The following OPCML variants were observed in gnomAD, a reference collection of about 807,000 sequenced individuals.
The protein encoded by OPCML is opioid binding protein/cell adhesion molecule like.
OPCML carries 13 observed loss-of-function variants against 37.8 expected under a neutral mutation model. The ratio of observed to expected loss-of-function variants is 0.34; its 90% CI spans 0.22 to 0.55. The LOEUF (loss-of-function observed/expected upper bound fraction) is 0.55, where lower values mean the gene tolerates loss of function less well. OPCML is among the 20% of genes least tolerant of loss of function. The pLI, the probability that OPCML is intolerant of heterozygous loss-of-function variation, is 0.91. For missense variants in OPCML, 341 were observed against 435.6 expected, an observed-to-expected ratio of 0.78 and a Z score of 1.93; for synonymous variants, 176 against 168.8, an observed-to-expected ratio of 1.04 and a Z score of -0.33.
intron 3 of OPCML, among the ~76,000 whole-genome samples, chr11:132,566,231 A>G (rs1360910508): frequency 6.6e-6 from 1 of 152,214 alleles, no homozygotes; most frequent in Admixed American, 6.5e-5. Flanking sequence ...TTAATCTTTT[A>G]TGAAATCTTT....
intron 2 of OPCML, among the ~76,000 whole-genome samples, chr11:132,869,668 T>C (rs1055235369): frequency 6.6e-6 from 1 of 152,238 alleles, no homozygotes; most frequent in African/African-American, 2.4e-5. Flanking sequence ...TCATTAATGA[T>C]CTTATTATGT....
At chr11:133,021,954 C>G (rs951344538) in intron 1 of OPCML, among the ~76,000 whole-genome samples, 3 of 152,208 alleles carry the variant, frequency 2.0e-5, no homozygotes, top group Non-Finnish European at 2.9e-5. Context: ...GATCTGAATA[C>G]ACATGGATAG....
chr11:132,832,603 A>G (rs1040363313), intron 2 of OPCML, among the ~76,000 whole-genome samples: 1 of 152,254 alleles, frequency 6.6e-6, no homozygotes, highest in African/African-American at 2.4e-5. Context: ...CGTGAAAAAA[A>G]TGATTCATAC....
At chr11:133,377,260 G>T (rs76543347) in intron 1 of OPCML, among the ~76,000 whole-genome samples, 2,140 of 152,226 alleles carry the variant, frequency 0.014, 31 homozygotes, top group Non-Finnish European at 0.017. Flanking sequence ...GCGTGGGAGG[G>T]TGTGTGTGGA....
intron 1 of OPCML, among the ~76,000 whole-genome samples, chr11:133,167,245 T>C (rs907080122): frequency 2.0e-5 from 3 of 152,194 alleles, no homozygotes; most frequent in Admixed American, 6.5e-5. Flanking sequence ...TCATCATCAT[T>C]ATTATTTTAT....
intron 2 of OPCML, among the ~76,000 whole-genome samples, chr11:132,753,817 A>G (rs954450893): frequency 1.3e-5 from 2 of 152,182 alleles, no homozygotes; most frequent in Non-Finnish European, 2.9e-5. Context: ...GCCAAAATAT[A>G]TTACAGGCAC....
At chr11:133,429,078 G>A (rs1442676917) in intron 1 of OPCML, among the ~76,000 whole-genome samples, 1 of 152,236 alleles carries the variant, frequency 6.6e-6, no homozygotes, top group Non-Finnish European at 1.5e-5. Flanking sequence ...GGTATGGAAA[G>A]GGAATGGAAG....
intron 4 of OPCML, among the ~76,000 whole-genome samples, chr11:132,457,695 T>A (rs1288432406): frequency 6.6e-6 from 1 of 152,314 alleles, no homozygotes; most frequent in South Asian, 2.1e-4. Flanking sequence ...CTTTCTCTGG[T>A]GCTGTCCATG....
At chr11:132,931,843 G>T (rs1465064697) in intron 2 of OPCML, among the ~76,000 whole-genome samples, 3 of 152,178 alleles carry the variant, frequency 2.0e-5, no homozygotes, top group African/African-American at 7.2e-5. Context: ...GTTCATAGCA[G>T]CATTATTCAC....
At chr11:132,861,593 T>C (rs981715906) in intron 2 of OPCML, among the ~76,000 whole-genome samples, 11 of 152,108 alleles carry the variant, frequency 7.2e-5, no homozygotes, top group African/African-American at 1.7e-4. Context: ...TCCCAGCAGT[T>C]TGGGAGGCCG....
chr11:133,140,886 C>T (rs1334367397), intron 1 of OPCML, among the ~76,000 whole-genome samples: 2 of 10,088 alleles, frequency 2.0e-4, no homozygotes, highest in Non-Finnish European at 6.0e-4. Context: ...AAGACGACGA[C>T]GACGACGAAG....
chr11:132,652,254 C>T (rs1462684461), intron 3 of OPCML, among the ~76,000 whole-genome samples: 3 of 152,142 alleles, frequency 2.0e-5, no homozygotes, highest in South Asian at 2.1e-4. Flanking sequence ...TTTATTGTAG[C>T]TTTGGTGTCC....
chr11:132,736,102 T>A (rs1177627744), intron 2 of OPCML, among the ~76,000 whole-genome samples: 2 of 152,204 alleles, frequency 1.3e-5, no homozygotes, highest in African/African-American at 4.8e-5. Context: ...TATATCCTGT[T>A]GTCCTCTTTT....
intron 2 of OPCML, among the ~76,000 whole-genome samples, chr11:132,762,728 A>AGT (rs1467993005): frequency 1.3e-5 from 2 of 152,084 alleles, no homozygotes; most frequent in African/African-American, 4.8e-5. Context: ...ATTTCAACCC[A>AGT]GTGAATCATA....
At chr11:132,733,725 T>G (rs952166161) in intron 2 of OPCML, among the ~76,000 whole-genome samples, 1 of 152,104 alleles carries the variant, frequency 6.6e-6, no homozygotes, top group African/African-American at 2.4e-5. Flanking sequence ...GTAAGTGTTG[T>G]GGAAAACACA....
intron 1 of OPCML, among the ~76,000 whole-genome samples, chr11:133,495,771 T>C (rs1947773087): frequency 6.6e-6 from 1 of 152,134 alleles, no homozygotes. Context: ...TACTGATTTG[T>C]TTGACTTTGT....
chr11:132,810,053 G>GTA (rs1939249766), intron 2 of OPCML, among the ~76,000 whole-genome samples: 1 of 152,050 alleles, frequency 6.6e-6, no homozygotes, highest in African/African-American at 2.4e-5. Context: ...ATTTCACCAT[G>GTA]TTGGCCAGGA....
intron 1 of OPCML, among the ~76,000 whole-genome samples, chr11:132,954,673 T>C (rs1945939692): frequency 6.6e-6 from 1 of 152,158 alleles, no homozygotes; most frequent in Non-Finnish European, 1.5e-5. Flanking sequence ...CAAGAGACAA[T>C]GTTTACAGTC....
intron 1 of OPCML, among the ~76,000 whole-genome samples, chr11:133,504,269 G>A (rs1371417910): frequency 1.3e-5 from 2 of 152,214 alleles, no homozygotes; most frequent in Non-Finnish European, 2.9e-5. Flanking sequence ...CATCTCATAT[G>A]GTTTGCAAGC....
Sources: gnomAD v4.1 joint callset for allele counts (sites outside exome capture counted in the v4.1 genomes callset) on GRCh38, gnomAD v4.1.1 for gene constraint, MANE v1.5 for transcripts, NCBI Gene and HGNC (gene_info 2026-07-23, HGNC 2026-07-21) for gene names.